The following CCSER1 variants were observed in gnomAD, a reference collection of about 807,000 sequenced individuals.
CCSER1 encodes coiled-coil serine rich protein 1.
Under a neutral mutation model 82.0 loss-of-function variants are expected in CCSER1, and 41 were observed. That is an observed-to-expected ratio of 0.50 (90% CI 0.39 to 0.65). The LOEUF (loss-of-function observed/expected upper bound fraction) is 0.65, where lower values mean the gene tolerates loss of function less well. Among genes scored for constraint, CCSER1 ranks in the 30% least tolerant of loss-of-function variants. The pLI, the probability that CCSER1 is intolerant of heterozygous loss-of-function variation, is 0.00. For missense variants in CCSER1, 1,119 were observed against 1,064.2 expected, an observed-to-expected ratio of 1.05 and a Z score of -0.72; for synonymous variants, 414 against 383.9, an observed-to-expected ratio of 1.08 and a Z score of -0.92.
At chr4:90,856,884 T>C (rs1442171616) in intron 8 of CCSER1, among the ~76,000 whole-genome samples, 1 of 151,900 alleles carries the variant, frequency 6.6e-6, no homozygotes, top group Non-Finnish European at 1.5e-5. Context: ...GGCTTAGAGG[T>C]TGCAATCTGG....
intron 10 of CCSER1, among the ~76,000 whole-genome samples, chr4:91,376,553 T>TA (rs1750427774): frequency 6.6e-6 from 1 of 152,032 alleles, no homozygotes; most frequent in South Asian, 2.1e-4. Context: ...CAAAGGTCAA[T>TA]AAAAATATGA....
At chr4:91,523,085 G>A (rs1032766466) in intron 10 of CCSER1, among the ~76,000 whole-genome samples, 2 of 152,026 alleles carry the variant, frequency 1.3e-5, no homozygotes, top group African/African-American at 4.8e-5. Flanking sequence ...TAGCATGAAG[G>A]GCTGTTGAGT....
chr4:90,707,982 T>C (rs371015088), intron 6 of CCSER1, among the ~76,000 whole-genome samples: 3 of 152,164 alleles, frequency 2.0e-5, no homozygotes, highest in Non-Finnish European at 2.9e-5. Flanking sequence ...AGATACTCTT[T>C]CCTTTCATTT....
chr4:90,949,956 C>T (rs1302605002), intron 9 of CCSER1, among the ~76,000 whole-genome samples: 1 of 152,024 alleles, frequency 6.6e-6, no homozygotes, highest in African/African-American at 2.4e-5. Context: ...GCTATGTGTC[C>T]CTTACGTTAG....
At chr4:90,922,252 C>A (rs17017826) in intron 8 of CCSER1, among the ~76,000 whole-genome samples, 6,903 of 151,200 alleles carry the variant, frequency 0.046, 444 homozygotes, top group African/African-American at 0.14. Context: ...CTTGAAAATA[C>A]CAAGCAGCAA....
At chr4:91,162,573 G>T (rs1377049589) in intron 10 of CCSER1, among the ~76,000 whole-genome samples, 3 of 152,078 alleles carry the variant, frequency 2.0e-5, no homozygotes, top group Admixed American at 2.0e-4. Flanking sequence ...ACTTTTTTTG[G>T]TTGCTAGGCT....
intron 10 of CCSER1, among the ~76,000 whole-genome samples, chr4:91,217,672 G>A (rs1737362266): frequency 1.3e-5 from 2 of 152,118 alleles, no homozygotes. Flanking sequence ...GGTGCTGATT[G>A]GCATATTTAC....
chr4:91,385,368 A>G lies in CCSER1; in HGVS notation c.2218-213204A>G, dbSNP rs563407517. ...GAGTAATAAAGAGGAGGAAATAACA[A>G]TATGCATATACCAACTTATCTGAAT... On this transcript the variant is annotated intron_variant, in intron 10 of 10. Transcript: ENST00000509176. 5.3e-5 allele frequency among the ~76,000 whole-genome samples: 8 copies of G among 152,152 alleles called. 1 individual carries two copies. The highest frequency in any genetic ancestry group is 1.3e-4 in the Admixed American group (2 of 15,260).
chr4:90,312,890 G>A lies in CCSER1; in HGVS notation c.1352G>A (p.Arg451His), dbSNP rs1735555308. Residue 451 changes from arginine (R) to histidine (H), a missense_variant, in exon 3 of 11, where the codon CGT becomes CAT. Transcript: ENST00000509176. ...CTTGCCAGTAGTCTCAGTCCATTTC[G>A]TGAAGGAAGATTTATAGAGAGGAGA... ...KVLASSLSPF[R>H]EGRFIERRLR... 4.4e-6 allele frequency: 7 copies of A among 1,574,750 alleles called. No homozygotes were observed. The highest frequency in any genetic ancestry group is 3.5e-5 in the South Asian group (3 of 85,872).
chr4:90,745,311 C>G (rs191356758), intron 7 of CCSER1, among the ~76,000 whole-genome samples: 7 of 152,314 alleles, frequency 4.6e-5, no homozygotes. Flanking sequence ...CATCTTCTGT[C>G]TCCCATTTTT....
At chr4:91,104,982 T>C (rs1231619261) in intron 10 of CCSER1, among the ~76,000 whole-genome samples, 1 of 152,162 alleles carries the variant, frequency 6.6e-6, no homozygotes, top group Non-Finnish European at 1.5e-5. Flanking sequence ...GTCAGGGCTT[T>C]TAGGGTATCC....
intron 10 of CCSER1, among the ~76,000 whole-genome samples, chr4:91,464,861 G>A (rs554447097): frequency 5.9e-5 from 9 of 152,070 alleles, no homozygotes; most frequent in East Asian, 1.9e-4. Context: ...AAAGCAAGTC[G>A]TTAGAGACCT....
At chr4:90,244,094 A>G (rs1354617262) in intron 1 of CCSER1, among the ~76,000 whole-genome samples, 1 of 152,200 alleles carries the variant, frequency 6.6e-6, no homozygotes, top group African/African-American at 2.4e-5. Flanking sequence ...ATACTTTTCC[A>G]ATTAGAAAAC....
intron 10 of CCSER1, among the ~76,000 whole-genome samples, chr4:91,511,317 G>A (rs994534402): frequency 6.6e-6 from 1 of 151,896 alleles, no homozygotes; most frequent in Non-Finnish European, 1.5e-5. Context: ...CTCTTTTGTT[G>A]TTCTATGTGA....
At chr4:90,271,856 ATATATATTTTTTTT>A (rs1726506543) in intron 1 of CCSER1, among the ~76,000 whole-genome samples, 1 of 26,088 alleles carries the variant, frequency 3.8e-5, no homozygotes, top group East Asian at 1.9e-3. Context: ...ATATATATAT[ATATATATTTTTTTT>A]TTTTTTTTTT....
At chr4:91,097,687 T>C (rs1350483882) in intron 10 of CCSER1, among the ~76,000 whole-genome samples, 1 of 152,182 alleles carries the variant, frequency 6.6e-6, no homozygotes, top group African/African-American at 2.4e-5. Flanking sequence ...TCCCCGCTTG[T>C]GTTTTGGAAA....
At chr4:90,980,157 C>T (rs1735980954) in intron 9 of CCSER1, among the ~76,000 whole-genome samples, 1 of 151,776 alleles carries the variant, frequency 6.6e-6, no homozygotes, top group South Asian at 2.1e-4. Context: ...AAGGGCAAGA[C>T]CCTTAGGAGC....
chr4:90,581,836 C>T lies in CCSER1; in HGVS notation c.1725-46189C>T, dbSNP rs567116283. Among the ~76,000 whole-genome samples, 11 of 151,562 alleles carry T rather than the reference C, an allele frequency of 7.3e-5. No homozygotes were observed. In the South Asian group the frequency reaches 8.3e-4, roughly 11 times the overall value. On this transcript the variant is annotated intron_variant, in intron 5 of 10. Transcript: ENST00000509176. ...ATGGATTTAGACAAAAAAATAGCTT[C>T]ATATCAGTACAGAGCCTTGATTTTT...
intron 8 of CCSER1, among the ~76,000 whole-genome samples, chr4:90,869,587 G>T (rs1194408272): frequency 6.6e-6 from 1 of 151,652 alleles, no homozygotes; most frequent in African/African-American, 2.4e-5. Flanking sequence ...CCAGTACCAT[G>T]CTGTTTTGGT....
Sources: gnomAD v4.1 joint callset for allele counts (sites outside exome capture counted in the v4.1 genomes callset) on GRCh38, gnomAD v4.1.1 for gene constraint, MANE v1.5 for transcripts, NCBI Gene and HGNC (gene_info 2026-07-23, HGNC 2026-07-21) for gene names.